Variants in KANSL1 observed in about 807,000 individuals in gnomAD.
The protein encoded by KANSL1 is KAT8 regulatory NSL complex subunit 1.
Under a neutral mutation model 103.6 loss-of-function variants are expected in KANSL1, and 22 were observed. The observed-to-expected ratio is 0.21, with a 90% CI of 0.15 to 0.30. The LOEUF (loss-of-function observed/expected upper bound fraction) is 0.30. Ranked by LOEUF, KANSL1 falls within the 10% of genes least tolerant of loss-of-function variation. The pLI, the probability that KANSL1 is intolerant of heterozygous loss-of-function variation, is 1.00. For missense variants in KANSL1, 1,337 were observed against 1,399.8 expected, an observed-to-expected ratio of 0.96 and a Z score of 0.72; for synonymous variants, 600 against 527.6, an observed-to-expected ratio of 1.14 and a Z score of -1.88.
chr17:46,093,917 T>C (rs940836929), intron 3 of KANSL1: 1 of 152,278 alleles, frequency 6.6e-6, no homozygotes, highest in Admixed American at 6.5e-5. Flanking sequence ...AGTAGCATCT[T>C]AAGTTCTATG....
chr17:46,189,197 G>A (rs2047189285), intron 1 of KANSL1, among the ~76,000 whole-genome samples: 1 of 151,976 alleles, frequency 6.6e-6, no homozygotes, highest in Middle Eastern at 3.4e-3. Flanking sequence ...CGCCAACCTG[G>A]GAATCACAGC....
At chr17:46,036,961 C>T (rs1462474467) in intron 10 of KANSL1, among the ~76,000 whole-genome samples, 1 of 152,188 alleles carries the variant, frequency 6.6e-6, no homozygotes, top group African/African-American at 2.4e-5. Context: ...ATCCACCCGC[C>T]TCAGCCGCCT....
chr17:46,041,070 G>A (rs749196119), intron 7 of KANSL1: 13 of 152,168 alleles, frequency 8.5e-5, no homozygotes, highest in Non-Finnish European at 1.9e-4. Flanking sequence ...AGATGGAAAT[G>A]ATTAAAGATA....
chr17:46,153,682 T>G (rs1011010919), intron 2 of KANSL1, among the ~76,000 whole-genome samples: 1 of 152,198 alleles, frequency 6.6e-6, no homozygotes, highest in African/African-American at 2.4e-5. Flanking sequence ...TACACTAGAT[T>G]ATCAAACCAG....
At chr17:46,129,903 G>T (rs1377476594) in intron 2 of KANSL1, among the ~76,000 whole-genome samples, 1 of 152,040 alleles carries the variant, frequency 6.6e-6, no homozygotes, top group Non-Finnish European at 1.5e-5. Flanking sequence ...CATCTAGGGA[G>T]GGCTGGGCAC....
chr17:46,101,110 T>C (rs759370727), intron 2 of KANSL1, among the ~76,000 whole-genome samples: 2 of 152,122 alleles, frequency 1.3e-5, no homozygotes, highest in Non-Finnish European at 2.9e-5. Flanking sequence ...AACCAAAAGA[T>C]TCAAATAAAA....
chr17:46,071,054 A>G (rs1358623466), intron 4 of KANSL1, among the ~76,000 whole-genome samples: 1 of 152,212 alleles, frequency 6.6e-6, no homozygotes, highest in East Asian at 1.9e-4. Context: ...TACTGCTATA[A>G]CAGCCTGTCT....
At position 46,090,692 on chromosome 17, in the gene KANSL1, A is replaced by G. The variant is rs572068643; in HGVS notation, c.1431+3868T>C. Among the ~76,000 whole-genome samples, 12 of 152,380 alleles carry G rather than the reference A, an allele frequency of 7.9e-5. No individual in the cohort carries two copies. The East Asian group carries it at 2.1e-3, about 27-fold the overall frequency. Reference sequence around the variant, plus strand: ...TGAAACTCTTGGATAAGCAACATACATTCATGTGCCAAATAGCATTATGGT... The same window carrying G: ...TGAAACTCTTGGATAAGCAACATACGTTCATGTGCCAAATAGCATTATGGT... On this transcript the variant is annotated intron_variant, in intron 3 of 14. Coordinates refer to ENST00000432791, the MANE Select transcript of KANSL1 (RefSeq NM_015443.4).
intron 6 of KANSL1, among the ~76,000 whole-genome samples, chr17:46,062,191 A>T (rs1334621807): frequency 6.6e-6 from 1 of 151,538 alleles, no homozygotes; most frequent in African/African-American, 2.4e-5. Flanking sequence ...TCTGCTCAAA[A>T]ATTTAAAACT....
intron 6 of KANSL1, among the ~76,000 whole-genome samples, chr17:46,053,291 A>T (rs1358767632): frequency 6.6e-6 from 1 of 152,060 alleles, no homozygotes; most frequent in African/African-American, 2.4e-5. Flanking sequence ...CTCCAAAAAA[A>T]TTTAAAAATT....
chr17:46,078,774 G>A (rs997681786), intron 4 of KANSL1, among the ~76,000 whole-genome samples: 1 of 151,922 alleles, frequency 6.6e-6, no homozygotes, highest in Admixed American at 6.6e-5. Flanking sequence ...TATTTGAAGA[G>A]AGAGAATGAG....
At chr17:46,092,894 T>G (rs1314992823) in intron 3 of KANSL1, 2 of 152,184 alleles carry the variant, frequency 1.3e-5, no homozygotes, top group Non-Finnish European at 2.9e-5. Flanking sequence ...ATAATTTCTT[T>G]GTCGTACTTA....
intron 3 of KANSL1, among the ~76,000 whole-genome samples, chr17:46,090,505 T>G (rs1178722972): frequency 1.3e-5 from 2 of 152,254 alleles, no homozygotes; most frequent in Non-Finnish European, 2.9e-5. Context: ...AGTAAAAGAT[T>G]ATCTATGATG....
intron 2 of KANSL1, among the ~76,000 whole-genome samples, chr17:46,100,461 A>G (rs912169148): frequency 2.6e-5 from 4 of 151,382 alleles, no homozygotes; most frequent in South Asian, 2.1e-4. Flanking sequence ...AAAAAAAAAA[A>G]GCGCCCTCTA....
intron 7 of KANSL1, chr17:46,045,924 A>G (rs1024540149): frequency 6.6e-6 from 1 of 152,232 alleles, no homozygotes; most frequent in Non-Finnish European, 1.5e-5. Flanking sequence ...AGTGTGCTTA[A>G]GTGTCCGGGC....
At chr17:46,064,886 T>A (rs888859322) in intron 6 of KANSL1, among the ~76,000 whole-genome samples, 3 of 152,122 alleles carry the variant, frequency 2.0e-5, no homozygotes, top group South Asian at 2.1e-4. Context: ...TAATTAATTT[T>A]TTATTATTAT....
intron 8 of KANSL1, 83 bp from the exon 9 acceptor site, chr17:46,039,298 T>C: frequency 7.5e-7 from 1 of 1,330,046 alleles, no homozygotes; most frequent in Non-Finnish European, 1.0e-6. Flanking sequence ...TCGAGTTCTC[T>C]CTAGGCCAAC....
intron 2 of KANSL1, among the ~76,000 whole-genome samples, chr17:46,146,658 C>A (rs974952460): frequency 6.9e-6 from 1 of 144,918 alleles, no homozygotes; most frequent in Non-Finnish European, 1.6e-5. Context: ...ACGGTGAAAC[C>A]CCGTCTCTAC....
rs1271727953 is a variant in KANSL1 at position 46,151,206 on chromosome 17, AG to A, written c.1289+19648del. Among the ~76,000 whole-genome samples the A allele has an allele frequency of 7.9e-5, 12 of 152,380 alleles. 1 individual carries two copies. The South Asian group carries it at 1.9e-3, about 24-fold the overall frequency. On this transcript the variant is annotated intron_variant, in intron 2 of 14. Coordinates refer to ENST00000432791, the MANE Select transcript of KANSL1 (RefSeq NM_015443.4). ...AACAACGATGCTTACAACAGCTTAC[AG>A]GGCTCCTGATCTCACCTTCTACCAC...
Sources: allele counts gnomAD v4.1 joint callset (sites outside exome capture counted in the v4.1 genomes callset), GRCh38; gene constraint gnomAD v4.1.1; transcripts MANE v1.5; gene names NCBI Gene and HGNC (gene_info 2026-07-23, HGNC 2026-07-21).